EYA2: variants seen among roughly 807,000 people sequenced by gnomAD.
The protein encoded by EYA2 is protein phosphatase EYA2.
In EYA2, 31 loss-of-function variants were observed where a neutral mutation model predicts 69.2. The observed-to-expected ratio is 0.45, with a 90% CI of 0.34 to 0.60. The LOEUF is 0.60. Among genes scored for constraint, EYA2 ranks in the 20% least tolerant of loss-of-function variants. The probability of loss-of-function intolerance (pLI) is 0.02; values close to 1 mark genes in which losing one functional copy is unlikely to be tolerated. For missense variants in EYA2, 622 were observed against 701.2 expected (o/e 0.89, Z 1.28); for synonymous variants, 257 against 279.4 (o/e 0.92, Z 0.80).
chr20:47,014,032 G>T (rs1983249749), intron 4 of EYA2, among the ~76,000 whole-genome samples: 1 of 152,202 alleles, frequency 6.6e-6, no homozygotes. Flanking sequence ...AATGAAGGAA[G>T]TAATATATAG....
intron 2 of EYA2, among the ~76,000 whole-genome samples, chr20:46,995,472 T>A (rs1469930647): frequency 1.3e-5 from 2 of 152,190 alleles, no homozygotes; most frequent in Non-Finnish European, 2.9e-5. Context: ...AGCCTCTCAG[T>A]GACAGTCAGA....
rs147614291 is a variant in EYA2, at chr20:47,160,541, A to G, written c.979-8598A>G. On this transcript the variant is annotated intron_variant, in intron 10 of 15. Transcript: ENST00000327619. ...AGGTGAGAATGGTCAGATTGTGGGT[A>G]TATGTCGAAGGGAAAGCCAACAGGA... 4.1e-3 allele frequency among the ~76,000 whole-genome samples: 621 copies of G among 152,116 alleles called. 1 individual carries two copies. Among genetic ancestry groups the G allele is most frequent in the Non-Finnish European group, 6.8e-3 (463 of 67,970 alleles).
chr20:47,016,049 C>A (rs1458832938), intron 4 of EYA2, 132 bp from the exon 5 acceptor site: 3 of 709,158 alleles, frequency 4.2e-6, no homozygotes, highest in Admixed American at 4.0e-5. Flanking sequence ...GACAAGCCAC[C>A]AGTTTGCAAC....
chr20:46,971,436 T>C (rs1202449846), intron 1 of EYA2, among the ~76,000 whole-genome samples: 2 of 152,228 alleles, frequency 1.3e-5, no homozygotes, highest in African/African-American at 4.8e-5. Context: ...ACCCCATTCC[T>C]TTAAGGACCT....
At chr20:47,152,598 G>A (rs1036600133) in intron 10 of EYA2, among the ~76,000 whole-genome samples, 2 of 151,702 alleles carry the variant, frequency 1.3e-5, no homozygotes, top group African/African-American at 4.8e-5. Context: ...ATCACTTGAG[G>A]TCAGGGCTTC....
intron 1 of EYA2, among the ~76,000 whole-genome samples, chr20:46,949,630 TG>T (rs1978679631): frequency 6.6e-6 from 1 of 152,172 alleles, no homozygotes; most frequent in Non-Finnish European, 1.5e-5. Flanking sequence ...AGCTAGATGG[TG>T]GGGTAACTGA....
intron 1 of EYA2, among the ~76,000 whole-genome samples, chr20:46,920,944 C>G (rs773372209): frequency 6.6e-6 from 1 of 152,254 alleles, no homozygotes; most frequent in Non-Finnish European, 1.5e-5. Flanking sequence ...GCTTTCCTTT[C>G]CATTTTCTTA....
intron 12 of EYA2, among the ~76,000 whole-genome samples, chr20:47,176,456 G>A (rs771091667): frequency 3.9e-5 from 6 of 152,164 alleles, no homozygotes; most frequent in Non-Finnish European, 7.4e-5. Context: ...CCCAGCGTGG[G>A]CAGTGGTGGC....
At chr20:47,170,665 GAGAC>G (rs1183543955) in intron 11 of EYA2, among the ~76,000 whole-genome samples, 2 of 151,300 alleles carry the variant, frequency 1.3e-5, no homozygotes, top group African/African-American at 2.4e-5. Flanking sequence ...AAAAAAAAGA[GAGAC>G]AGCTTCCAGA....
chr20:47,099,821 GTTTATT>G (rs36202606), intron 9 of EYA2, among the ~76,000 whole-genome samples: 151,831 of 152,188 alleles, frequency 1, 75,738 homozygotes, highest in East Asian at 1. Flanking sequence ...TCATAATTAT[GTTTATT>G]TTTATTTTAT....
At chr20:46,985,501 GTAAA>G (rs1456761866) in intron 1 of EYA2, among the ~76,000 whole-genome samples, 2 of 152,220 alleles carry the variant, frequency 1.3e-5, no homozygotes, top group African/African-American at 2.4e-5. Flanking sequence ...ACTCAGTAAA[GTAAA>G]TAAGCTACGT....
At chr20:47,012,775 T>G (rs533382824) in intron 4 of EYA2, among the ~76,000 whole-genome samples, 1 of 152,358 alleles carries the variant, frequency 6.6e-6, no homozygotes, top group South Asian at 2.1e-4. Context: ...ATTACAGGCG[T>G]GAGCCACCGT....
At chr20:47,174,378 ACTTCTGCTTCC>A (rs1459459665) in intron 12 of EYA2, among the ~76,000 whole-genome samples, 1 of 152,174 alleles carries the variant, frequency 6.6e-6, no homozygotes, top group Admixed American at 6.5e-5. Context: ...GAATACAAAT[ACTTCTGCTTCC>A]CTGGATTATT....
At chr20:46,970,779 G>A (rs1025942877) in intron 1 of EYA2, among the ~76,000 whole-genome samples, 1 of 152,100 alleles carries the variant, frequency 6.6e-6, no homozygotes, top group Non-Finnish European at 1.5e-5. Context: ...ACACAACAGA[G>A]TTTTTGTTAA....
chr20:47,045,777 G>A (rs952891394), intron 5 of EYA2, among the ~76,000 whole-genome samples: 8 of 152,212 alleles, frequency 5.3e-5, no homozygotes, highest in Non-Finnish European at 1.0e-4. Context: ...GGGTTTGGGA[G>A]TAGTGTTAGG....
At chr20:47,143,254 TC>T in intron 10 of EYA2, 106 bp downstream of exon 10, 3 of 1,045,490 alleles carry the variant, frequency 2.9e-6, no homozygotes, top group East Asian at 2.7e-5. Context: ...TTTCTTTTTT[TC>T]TCCTTTTTCT....
At chr20:47,148,270 G>T (rs74586588) in intron 10 of EYA2, among the ~76,000 whole-genome samples, 1,904 of 152,060 alleles carry the variant, frequency 0.013, 47 homozygotes, top group East Asian at 0.089. Flanking sequence ...CTGTTAAATG[G>T]GTGGAAGAAA....
intron 4 of EYA2, among the ~76,000 whole-genome samples, chr20:47,015,929 G>A (rs1477794748): frequency 1.3e-5 from 2 of 152,212 alleles, no homozygotes; most frequent in Admixed American, 6.5e-5. Context: ...AAAAGAAGCC[G>A]TAAGTCCAGC....
At chr20:47,186,348 C>CT (rs765874138) in intron 15 of EYA2, among the ~76,000 whole-genome samples, 803 of 72,286 alleles carry the variant, frequency 0.011, 52 homozygotes, top group Non-Finnish European at 0.017. Context: ...AGCACTTATT[C>CT]TTTTTTTTTT....
Sources: gnomAD v4.1 joint callset for allele counts (sites outside exome capture counted in the v4.1 genomes callset) on GRCh38, gnomAD v4.1.1 for gene constraint, MANE v1.5 for transcripts, NCBI Gene and HGNC (gene_info 2026-07-23, HGNC 2026-07-21) for gene names.